CAPN12: variants seen among roughly 807,000 people sequenced by gnomAD.
CAPN12 encodes the protein calpain 12.
CAPN12 carries 107 observed loss-of-function variants against 95.0 expected under a neutral mutation model. The observed-to-expected ratio is 1.13, with a 90% CI of 0.96 to 1.32. CAPN12 has a LOEUF of 1.32. Ranked by LOEUF, CAPN12 falls within the 40% of genes most tolerant of loss-of-function variation. The pLI, the probability that CAPN12 is intolerant of heterozygous loss-of-function variation, is 0.00. For missense variants in CAPN12, 1,136 were observed against 997.8 expected (o/e 1.14, Z -1.87); for synonymous variants, 505 against 415.5 (o/e 1.22, Z -2.62).
intron 11 of CAPN12, 41 bp downstream of exon 11, chr19:38,736,493 CCAAGCCCCAGGGCAGGTT>C (rs1970166376): frequency 6.4e-7 from 1 of 1,567,366 alleles, no homozygotes; most frequent in South Asian, 1.2e-5. Flanking sequence ...GGCAGGTTGA[CCAAGCCCCAGGGCAGGTT>C]GACCAAGCCC....
chr19:38,736,914 TAGCCCCCTACTCCCCTCCC>T lies in CAPN12; in HGVS notation c.1362+223_1362+241del, dbSNP rs770729834. The T allele has an allele frequency of 1.9e-3, 307 of 159,206 alleles. 2 individuals carry two copies. Among genetic ancestry groups the T allele is most frequent in the Non-Finnish European group, 2.9e-3 (275 of 95,414 alleles). 9.9% of individuals were successfully genotyped at this position (159,206 alleles called of 1,614,324 possible). A position where few individuals can be genotyped will look rare whatever the true frequency, so the allele number is the denominator to read the frequency against. On this transcript the variant is annotated intron_variant, in intron 10 of 20. Coordinates refer to ENST00000328867, the MANE Select transcript of CAPN12 (RefSeq NM_144691.4). ...CTGAGACCTGGCCCCCCAGCCCTAC[TAGCCCCCTACTCCCCTCCC>T]AGCGCCGCCCCCTCTTGGCCCTGCT...
At chr19:38,736,619 G>A (rs1409831943) in intron 10 of CAPN12, 56 bp from the exon 11 acceptor site, 1 of 1,388,842 alleles carries the variant, frequency 7.2e-7, no homozygotes, top group East Asian at 2.6e-5. Flanking sequence ...CCGCCGCTCA[G>A]GGTCTCCTCC....
intron 2 of CAPN12, 62 bp downstream of exon 2, chr19:38,742,971 C>A: frequency 6.6e-7 from 1 of 1,523,114 alleles, no homozygotes; most frequent in Non-Finnish European, 9.1e-7. Context: ...AGGGATGGAG[C>A]TGTCAGGATC....
upstream of CAPN12, among the ~76,000 whole-genome samples, chr19:38,744,662 G>A (rs946961834): frequency 2.6e-5 from 4 of 152,072 alleles, no homozygotes; most frequent in Non-Finnish European, 4.4e-5. Flanking sequence ...TGCAACCTCC[G>A]CCTTCTAGGT....
intron 4 of CAPN12, among the ~76,000 whole-genome samples, chr19:38,741,258 T>C (rs1214029870): frequency 1.3e-5 from 2 of 152,000 alleles, no homozygotes; most frequent in East Asian, 1.9e-4. Context: ...TGTGAAATAT[T>C]GATGGAGAGA....
chr19:38,730,586 GAGAGCCAGGGC>G lies in CAPN12; in HGVS notation c.*255_*265del, dbSNP rs1969509134. The G allele has an allele frequency of 5.4e-6, 3 of 559,766 alleles. No individual in the cohort carries two copies. The highest frequency in any genetic ancestry group is 9.6e-6 in the Non-Finnish European group (3 of 313,282). 34.7% of individuals were successfully genotyped at this position (559,766 alleles called of 1,614,324 possible). On this transcript the variant is annotated 3_prime_UTR_variant, in exon 21 of 21. Transcript: ENST00000328867. ...CCTGTGTCTGTCCTCCACCTTCTAG[GAGAGCCAGGGC>G]AGAGCTAGCACTGTCTTAAGCTGTC...
intron 17 of CAPN12, 136 bp downstream of exon 17, chr19:38,734,006 C>A (rs1456055611): frequency 5.1e-6 from 5 of 987,752 alleles, no homozygotes; most frequent in Non-Finnish European, 7.5e-6. Context: ...GCAGGGATAT[C>A]CCAGCCAGAT....
chr19:38,731,322 G>A (rs1969588106), intron 18 of CAPN12, 99 bp from the exon 19 acceptor site: 7 of 885,234 alleles, frequency 7.9e-6, no homozygotes, highest in Admixed American at 3.6e-5. Context: ...AATGCCACAG[G>A]GTGTCACACC....
rs760050915 is a variant in CAPN12 at position 38,731,167 on chromosome 19, G to A, written c.2014C>T (p.Arg672Cys). Residue 672 changes from arginine (R) to cysteine (C), a missense_variant, in exon 19 of 21, where the codon CGT becomes TGT. Coordinates refer to ENST00000328867, the MANE Select transcript of CAPN12 (RefSeq NM_144691.4). ...AACCGCTCGAAGTCCACACGCAGACGGCTATCCCGGTAGCGGCTGGTGAGG... is the reference window on the plus strand; with the variant it reads ...AACCGCTCGAAGTCCACACGCAGACAGCTATCCCGGTAGCGGCTGGTGAGG... ...QTLTSRYRDS[R>C]LRVDFERFVS... is the part of the protein sequence containing the mutation. The A allele has an allele frequency of 1.5e-5, 24 of 1,613,212 alleles. No individual in the cohort carries two copies. Among genetic ancestry groups the A allele is most frequent in the Middle Eastern group, 3.3e-4 (2 of 6,044 alleles).
Position 38,744,089 on chromosome 19 carries a change from A to G in CAPN12, c.77T>C (p.Leu26Pro), listed in dbSNP as rs765098383. 2.5e-6 allele frequency: 4 copies of G among 1,614,122 alleles called. No homozygotes were observed. Among genetic ancestry groups the G allele is most frequent in the Non-Finnish European group, 2.5e-6 (3 of 1,180,024 alleles). ...TGCCTCATAGCTCTGGCCCCGAAAA[A>G]GCTGCAGGCGCCCGGCTCCGACCCC... ...EAGVGAGRLQ[L>P]FRGQSYEAIR... The change falls in exon 1 of 21, where the codon CTT becomes CCT. Residue 26 changes from leucine to proline, a missense_variant. Physicochemically the swap from Leu to Pro is moderately conservative, Grantham distance 98. Transcript: ENST00000328867.
chr19:38,732,023 C>A (rs568522953), intron 18 of CAPN12, among the ~76,000 whole-genome samples: 1 of 152,356 alleles, frequency 6.6e-6, no homozygotes, highest in East Asian at 1.9e-4. Context: ...ATGGGGAAAC[C>A]CAGCCAGATG....
In CAPN12 at chr19:38,742,588, C is replaced by G. The variant is rs1315198366; in HGVS notation, c.308-60G>C. On this transcript the variant is annotated intron_variant, in intron 2 of 20. Coordinates refer to ENST00000328867, the MANE Select transcript of CAPN12 (RefSeq NM_144691.4). ...AGGAGGGAGGCCTGGTGCGGTGGCT[C>G]ATGCCTCTAATCCCAGCACTTTGGG... is the stretch of plus-strand genomic sequence containing the variant. The G allele has an allele frequency of 2.5e-6, 3 of 1,219,268 alleles. No homozygotes were observed. In the African/African-American group the frequency reaches 4.5e-5, roughly 18 times the overall value. 75.5% of individuals were successfully genotyped at this position (1,219,268 alleles called of 1,614,324 possible).
intron 18 of CAPN12, 41 bp from the exon 19 acceptor site, chr19:38,731,264 A>C (rs747771093): frequency 5.9e-6 from 9 of 1,537,170 alleles, no homozygotes; most frequent in Non-Finnish European, 7.2e-6. Flanking sequence ...CCCACAGGGA[A>C]CCCACCTTGG....
At position 38,743,094 on chromosome 19, in the gene CAPN12, A is replaced by C; in HGVS notation, c.246T>G (p.Cys82Trp). ...CTTCACAGATGAACTTCGGCTCAGC[A>C]CAGAACTCCTGTGGGTGGTGGGGGA... ...GVKWMRPHEF[C>W]AEPKFICEDM... The change falls in exon 2 of 21, where the codon TGT becomes TGG. Residue 82 changes from cysteine to tryptophan, a missense_variant. Coordinates refer to ENST00000328867, the MANE Select transcript of CAPN12 (RefSeq NM_144691.4). 2 of 1,614,058 alleles carry C rather than the reference A, an allele frequency of 1.2e-6. No individual in the cohort carries two copies. The highest frequency in any genetic ancestry group is 1.7e-6 in the Non-Finnish European group (2 of 1,179,954).
chr19:38,741,136 T>C (rs1262786717), intron 4 of CAPN12, among the ~76,000 whole-genome samples: 16 of 152,144 alleles, frequency 1.1e-4, no homozygotes. Context: ...ATCTAAGATA[T>C]ACAGCTCACC....
At position 38,744,326 on chromosome 19, in the gene CAPN12, C is replaced by A; in HGVS notation, c.-161G>T. 2 of 690,468 alleles carry A rather than the reference C, an allele frequency of 2.9e-6. No homozygotes were observed. Among genetic ancestry groups the A allele is most frequent in the Non-Finnish European group, 4.9e-6 (2 of 408,382 alleles). The allele number at this position is 690,468 out of a possible 1,614,324, so 42.8% of individuals were successfully genotyped here. On this transcript the variant is annotated 5_prime_UTR_variant, in exon 1 of 21. Transcript: ENST00000328867. ...TTTGGGGTGCTGGGGAGCAGGGACG[C>A]CTCTTCAGTAGCTTTCTTCCCAGGG...
At chr19:38,732,177 T>C (rs1187282042) in intron 18 of CAPN12, among the ~76,000 whole-genome samples, 9 of 152,250 alleles carry the variant, frequency 5.9e-5, no homozygotes, top group Admixed American at 5.9e-4. Flanking sequence ...TGGTGCCAGA[T>C]GCGTGAACAC....
chr19:38,740,656 T>G (rs1970492198), intron 4 of CAPN12, among the ~76,000 whole-genome samples: 1 of 151,858 alleles, frequency 6.6e-6, no homozygotes, highest in Non-Finnish European at 1.5e-5. Context: ...AAAAATTAGC[T>G]GGGCGTGGTG....
At chr19:38,744,479 G>T, upstream of CAPN12, 1 of 458,576 alleles carries the variant, frequency 2.2e-6, no homozygotes, top group Non-Finnish European at 4.0e-6. Context: ...GTCAGTGTGG[G>T]GGTGAGCTTC....
Sources: gnomAD v4.1 joint callset for allele counts (sites outside exome capture counted in the v4.1 genomes callset) on GRCh38, gnomAD v4.1.1 for gene constraint, MANE v1.5 for transcripts, NCBI Gene and HGNC (gene_info 2026-07-23, HGNC 2026-07-21) for gene names.